PPARGC1A: variants seen among roughly 807,000 people sequenced by gnomAD.
PPARGC1A encodes the protein PPARG coactivator 1 alpha, also known as peroxisome proliferator-activated receptor gamma coactivator 1-alpha.
PPARGC1A carries 25 observed loss-of-function variants against 88.7 expected under a neutral mutation model. The ratio of observed to expected loss-of-function variants is 0.28; its 90% CI spans 0.21 to 0.39. The LOEUF (loss-of-function observed/expected upper bound fraction) is 0.39, where lower values mean the gene tolerates loss of function less well. PPARGC1A is among the 10% of genes least tolerant of loss of function. PPARGC1A has a pLI of 1.00. For missense variants in PPARGC1A, 880 were observed against 968.7 expected, an observed-to-expected ratio of 0.91 and a Z score of 1.22; for synonymous variants, 363 against 355.6, an observed-to-expected ratio of 1.02 and a Z score of -0.24.
At chr4:24,305,735 C>T in the PPARGC1A span, among the ~76,000 whole-genome samples, 7 of 152,092 alleles carry the variant, frequency 4.6e-5, no homozygotes, top group African/African-American at 1.7e-4. Context: ...TCACTTGAAC[C>T]CAGGAGGCGG....
At chr4:23,934,132 A>T in the PPARGC1A span, among the ~76,000 whole-genome samples, 1 of 152,334 alleles carries the variant, frequency 6.6e-6, no homozygotes, top group Non-Finnish European at 1.5e-5. Context: ...GGGTGGTGAC[A>T]TGGGGAAGGG....
At chr4:24,052,854 A>ATTTTT in the PPARGC1A span, among the ~76,000 whole-genome samples, 22 of 65,802 alleles carry the variant, frequency 3.3e-4, 4 homozygotes, top group African/African-American at 4.6e-4. Flanking sequence ...GCGTACGCAG[A>ATTTTT]TTTTTTTTTT....
chr4:24,387,766 GAGAAAGAAAGAAAGAAAGAA>G, the PPARGC1A span, among the ~76,000 whole-genome samples: 2 of 52,050 alleles, frequency 3.8e-5, no homozygotes, highest in African/African-American at 1.7e-4. Flanking sequence ...GAGAGAGAGA[GAGAAAGAAAGAAAGAAAGAA>G]AGAAAGAAAG....
At chr4:23,812,684 A>T (rs1721140951) in intron 10 of PPARGC1A, 63 bp downstream of exon 10, 2 of 1,599,514 alleles carry the variant, frequency 1.3e-6, no homozygotes, top group Non-Finnish European at 1.7e-6. Flanking sequence ...CTATCACCAA[A>T]AAAAGCACAC....
chr4:23,963,806 T>C, the PPARGC1A span, among the ~76,000 whole-genome samples: 1 of 152,294 alleles, frequency 6.6e-6, no homozygotes, highest in Non-Finnish European at 1.5e-5. Context: ...CCTGGAAAGC[T>C]GGCCAAAGGA....
the PPARGC1A span, among the ~76,000 whole-genome samples, chr4:24,368,818 A>G: frequency 6.6e-6 from 1 of 152,212 alleles, no homozygotes; most frequent in African/African-American, 2.4e-5. Context: ...AGACACATCC[A>G]TCAGGAGACG....
the PPARGC1A span, among the ~76,000 whole-genome samples, chr4:24,445,531 G>A: frequency 6.6e-6 from 1 of 152,116 alleles, no homozygotes. Flanking sequence ...TTCATGCAGT[G>A]GATTAGATTC....
chr4:23,897,741 T>G (rs1293482334), intron 1 of PPARGC1A, among the ~76,000 whole-genome samples: 1 of 152,204 alleles, frequency 6.6e-6, no homozygotes. Context: ...ACTAGAGAAC[T>G]TGTGAAATAT....
chr4:23,974,775 G>A, the PPARGC1A span, among the ~76,000 whole-genome samples: 1 of 143,422 alleles, frequency 7.0e-6, no homozygotes, highest in East Asian at 2.2e-4. Context: ...TGGGACTACA[G>A]GAACCAGCCA....
the PPARGC1A span, among the ~76,000 whole-genome samples, chr4:24,469,912 A>C: frequency 6.6e-6 from 1 of 152,090 alleles, no homozygotes; most frequent in Non-Finnish European, 1.5e-5. Flanking sequence ...CTGTCTTGTG[A>C]AATCCAGCCG....
chr4:24,402,235 C>T, the PPARGC1A span, among the ~76,000 whole-genome samples: 1 of 152,174 alleles, frequency 6.6e-6, no homozygotes, highest in Admixed American at 6.5e-5. Context: ...AATGGTTGAG[C>T]GGTGGAGAGA....
At chr4:24,007,802 C>G in the PPARGC1A span, among the ~76,000 whole-genome samples, 3 of 152,168 alleles carry the variant, frequency 2.0e-5, no homozygotes, top group African/African-American at 7.2e-5. Context: ...AACCAGCATT[C>G]TGGATGCTAG....
chr4:23,814,755 T>A lies in PPARGC1A; in HGVS notation c.878-150A>T, dbSNP rs571657075. On this transcript the variant is annotated intron_variant, in intron 7 of 12. Transcript: ENST00000264867. Reference sequence around the variant, plus strand: ...GTGAAGAAGAAGGAAACTAATTTCATGACAAGGCCTGAAAAACTGACTCAT... The same window carrying A: ...GTGAAGAAGAAGGAAACTAATTTCAAGACAAGGCCTGAAAAACTGACTCAT... 1.1e-5 allele frequency: 8 copies of A among 755,310 alleles called. No homozygotes were observed. In the African/African-American group the frequency reaches 1.4e-4, roughly 13 times the overall value. The allele number at this position is 755,310 out of a possible 1,614,324, so 46.8% of individuals were successfully genotyped here.
chr4:24,132,068 G>A, the PPARGC1A span, among the ~76,000 whole-genome samples: 1 of 152,164 alleles, frequency 6.6e-6, no homozygotes, highest in Non-Finnish European at 1.5e-5. Context: ...TGAGTGCGAG[G>A]AAGACATTTT....
chr4:24,472,482 G>T, the PPARGC1A span, among the ~76,000 whole-genome samples: 1 of 151,950 alleles, frequency 6.6e-6, no homozygotes, highest in Non-Finnish European at 1.5e-5. This position sits in a 1 kb window ranked among gnomAD's most constrained non-coding sequence, Gnocchi z 4.5. Context: ...CAAATAAAAT[G>T]AGGAAAGAAA....
the PPARGC1A span, among the ~76,000 whole-genome samples, chr4:24,133,008 G>C: frequency 6.6e-6 from 1 of 152,018 alleles, no homozygotes; most frequent in African/African-American, 2.4e-5. Flanking sequence ...CAAGTGACAG[G>C]TTTTTGAGAC....
At chr4:24,402,103 A>G in the PPARGC1A span, among the ~76,000 whole-genome samples, 3 of 152,146 alleles carry the variant, frequency 2.0e-5, no homozygotes, top group Non-Finnish European at 2.9e-5. Flanking sequence ...ATAGAACTCT[A>G]TTTGGTTGAG....
chr4:24,193,525 G>A, the PPARGC1A span, among the ~76,000 whole-genome samples: 1 of 152,026 alleles, frequency 6.6e-6, no homozygotes, highest in Non-Finnish European at 1.5e-5. Context: ...GCTACCCAAG[G>A]TCTCATCAGG....
chr4:23,966,900 AC>A, the PPARGC1A span, among the ~76,000 whole-genome samples: 2 of 152,118 alleles, frequency 1.3e-5, no homozygotes, highest in African/African-American at 4.8e-5. Flanking sequence ...GCTTCTCATC[AC>A]GCCATACTGC....
Sources: allele counts gnomAD v4.1 joint callset (sites outside exome capture counted in the v4.1 genomes callset), GRCh38; gene constraint gnomAD v4.1.1; non-coding constraint Gnocchi (gnomAD v3.1); transcripts MANE v1.5; gene names NCBI Gene and HGNC (gene_info 2026-07-23, HGNC 2026-07-21).